The following TMC2 variants were observed in gnomAD, a reference collection of about 807,000 sequenced individuals.
TMC2 encodes transmembrane channel like 2.
Under a neutral mutation model 105.9 loss-of-function variants are expected in TMC2, and 102 were observed. The ratio of observed to expected loss-of-function variants is 0.96; its 90% CI spans 0.82 to 1.14. The LOEUF is 1.14. Ranked by LOEUF, TMC2 falls within the 50% of genes most tolerant of loss-of-function variation. The pLI, the probability that TMC2 is intolerant of heterozygous loss-of-function variation, is 0.00. For missense variants in TMC2, 1,093 were observed against 1,134.3 expected, an observed-to-expected ratio of 0.96 and a Z score of 0.52; for synonymous variants, 402 against 422.8, an observed-to-expected ratio of 0.95 and a Z score of 0.60.
chr20:2,614,124 T>C (rs1476435183), intron 14 of TMC2: 1 of 152,190 alleles, frequency 6.6e-6, no homozygotes. Context: ...GAAAGCTTCA[T>C]AATCTTGTCT....
At chr20:2,603,225 A>T (rs988691141) in intron 11 of TMC2, among the ~76,000 whole-genome samples, 3 of 143,080 alleles carry the variant, frequency 2.1e-5, no homozygotes, top group East Asian at 2.0e-4. Context: ...AGCCCAGTTT[A>T]AAAAAAAAAA....
Position 2,641,751 on chromosome 20 carries a change from G to A in TMC2, c.*400G>A, listed in dbSNP as rs2086691633. The A allele has an allele frequency of 5.3e-6, 1 of 190,186 alleles. No individual in the cohort carries two copies. Among genetic ancestry groups the A allele is most frequent in the East Asian group, 1.3e-4 (1 of 7,696 alleles). The allele number at this position is 190,186 out of a possible 1,614,324, so 11.8% of individuals were successfully genotyped here. On this transcript the variant is annotated 3_prime_UTR_variant, in exon 20 of 20. Coordinates refer to ENST00000358864, the MANE Select transcript of TMC2 (RefSeq NM_080751.3). ...CAGCTTCCCTAACCAGGAGGGGGAT[G>A]GAGAAGGGCCTACATTTCTCAATCC... is the stretch of plus-strand genomic sequence containing the variant.
chr20:2,629,103 A>T (rs939894037), intron 17 of TMC2, among the ~76,000 whole-genome samples: 14 of 152,112 alleles, frequency 9.2e-5, no homozygotes, highest in Admixed American at 4.6e-4. Flanking sequence ...CTCCATCTCA[A>T]AAAAAAGAAA....
At chr20:2,538,097 G>A (rs1186579214) in intron 2 of TMC2, among the ~76,000 whole-genome samples, 1 of 152,048 alleles carries the variant, frequency 6.6e-6, no homozygotes, top group Non-Finnish European at 1.5e-5. Flanking sequence ...GCCCTGTCCT[G>A]GCCCCACTCT....
chr20:2,643,546 C>T lies in TMC2; in HGVS notation c.*2195C>T, dbSNP rs2086702326. 6.6e-6 allele frequency among the ~76,000 whole-genome samples: 1 copy of T among 152,166 alleles called. No individual in the cohort carries two copies. Among genetic ancestry groups the T allele is most frequent in the African/African-American group, 2.4e-5 (1 of 41,430 alleles). On this transcript the variant is annotated 3_prime_UTR_variant, in exon 20 of 20. Transcript: ENST00000358864. ...ATAACAAATTATTCCCAAAACATAACAGCCTAAAACAATAAACAATTATGT... is the reference window on the plus strand; with the variant it reads ...ATAACAAATTATTCCCAAAACATAATAGCCTAAAACAATAAACAATTATGT...
rs1055430620 is a variant in TMC2, at chr20:2,599,459, C to T, written c.1224+2161C>T. The stretch of plus-strand genomic sequence containing the variant: ...ATGAATGAAGGCCAAAGCTGTAATG[C>T]TGAAGCATTGTACATTGTACTTTGC... On this transcript the variant is annotated intron_variant, in intron 10 of 19. Coordinates refer to ENST00000358864, the MANE Select transcript of TMC2 (RefSeq NM_080751.3). Among the ~76,000 whole-genome samples the T allele has an allele frequency of 2.0e-5, 3 of 151,182 alleles. No individual in the cohort carries two copies. In the South Asian group the frequency reaches 6.2e-4, roughly 31 times the overall value.
intron 17 of TMC2, among the ~76,000 whole-genome samples, chr20:2,630,853 G>A (rs2146265120): frequency 6.6e-6 from 1 of 152,240 alleles, no homozygotes; most frequent in Non-Finnish European, 1.5e-5. Context: ...AATATAGTGT[G>A]CTTCTTTGGA....
At chr20:2,573,595 C>G (rs1462344563) in intron 5 of TMC2, among the ~76,000 whole-genome samples, 2 of 127,234 alleles carry the variant, frequency 1.6e-5, no homozygotes, top group African/African-American at 6.0e-5. Flanking sequence ...GAGTCTCACT[C>G]TGTTGCCCAA....
At chr20:2,555,552 C>T (rs2085980540) in intron 2 of TMC2, among the ~76,000 whole-genome samples, 1 of 152,120 alleles carries the variant, frequency 6.6e-6, no homozygotes, top group Admixed American at 6.5e-5. Context: ...TTCTTATAGA[C>T]AGCATATACT....
chr20:2,602,408 T>C (rs2086358812), intron 11 of TMC2, 107 bp downstream of exon 11: 1 of 819,110 alleles, frequency 1.2e-6, no homozygotes, highest in Admixed American at 3.8e-5. Flanking sequence ...TAGGCTTGTT[T>C]TAATAAGTGA....
intron 17 of TMC2, among the ~76,000 whole-genome samples, chr20:2,635,492 A>G (rs1454283932): frequency 6.6e-6 from 1 of 152,102 alleles, no homozygotes; most frequent in African/African-American, 2.4e-5. Flanking sequence ...TAAACATAGA[A>G]GTCTACTCTC....
intron 5 of TMC2, among the ~76,000 whole-genome samples, chr20:2,577,844 A>G (rs1348627194): frequency 6.6e-6 from 1 of 151,940 alleles, no homozygotes; most frequent in East Asian, 1.9e-4. Context: ...GCAGTGAGCC[A>G]TGTTTGCGCC....
At chr20:2,640,998 T>C (rs552101249) in intron 19 of TMC2, 136 bp from the exon 20 acceptor site, 12 of 723,140 alleles carry the variant, frequency 1.7e-5, no homozygotes, top group Non-Finnish European at 9.5e-6. Flanking sequence ...CCGAGACAGC[T>C]GAGTGCAATC....
intron 3 of TMC2, among the ~76,000 whole-genome samples, chr20:2,559,803 G>A (rs2086012611): frequency 1.3e-5 from 2 of 152,110 alleles, no homozygotes; most frequent in South Asian, 4.1e-4. Context: ...GGTAAAGGGT[G>A]CATCGTGCCC....
chr20:2,543,345 T>G (rs1303024752), intron 2 of TMC2, among the ~76,000 whole-genome samples: 2 of 152,372 alleles, frequency 1.3e-5, no homozygotes, highest in Non-Finnish European at 2.9e-5. Flanking sequence ...CTATTGCTTA[T>G]AGCAGGCAAA....
At chr20:2,626,598 A>G (rs2086566208) in intron 17 of TMC2, among the ~76,000 whole-genome samples, 1 of 152,268 alleles carries the variant, frequency 6.6e-6, no homozygotes, top group African/African-American at 2.4e-5. Flanking sequence ...CATGTAAGAC[A>G]GGAGTCATAG....
At chr20:2,613,607 C>T (rs767866207) in intron 14 of TMC2, 47 of 390,768 alleles carry the variant, frequency 1.2e-4, no homozygotes, top group Non-Finnish European at 2.1e-4. Flanking sequence ...AGTACTGAGC[C>T]AATGGTTGAT....
intron 17 of TMC2, among the ~76,000 whole-genome samples, chr20:2,634,206 C>T (rs147223477): frequency 6.2e-4 from 95 of 152,298 alleles, no homozygotes; most frequent in Middle Eastern, 3.4e-3. Flanking sequence ...AGTTTCCTGC[C>T]CGCTGCTCAA....
chr20:2,576,766 C>T (rs1402289982), intron 5 of TMC2, among the ~76,000 whole-genome samples: 1 of 152,158 alleles, frequency 6.6e-6, no homozygotes, highest in African/African-American at 2.4e-5. Flanking sequence ...CATCCCAATT[C>T]CTATCTGTGA....
Sources: gnomAD v4.1 joint callset for allele counts (sites outside exome capture counted in the v4.1 genomes callset) on GRCh38, gnomAD v4.1.1 for gene constraint, MANE v1.5 for transcripts, NCBI Gene and HGNC (gene_info 2026-07-23, HGNC 2026-07-21) for gene names.